Variants in SGCZ observed in about 807,000 individuals in gnomAD.
The protein encoded by SGCZ is zeta-sarcoglycan.
In SGCZ, 40 loss-of-function variants were observed where a neutral mutation model predicts 41.3. That is an observed-to-expected ratio of 0.97 (90% CI 0.75 to 1.26). The LOEUF (loss-of-function observed/expected upper bound fraction) is 1.26, where lower values mean the gene tolerates loss of function less well. SGCZ is among the 50% of genes most tolerant of loss of function. The probability of loss-of-function intolerance (pLI) is 0.00; values close to 1 mark genes in which losing one functional copy is unlikely to be tolerated. For missense variants in SGCZ, 552 were observed against 369.8 expected (o/e 1.49, Z -4.04); for synonymous variants, 206 against 137.5 (o/e 1.50, Z -3.49).
intron 1 of SGCZ, among the ~76,000 whole-genome samples, chr8:14,739,148 T>C (rs1799130284): frequency 6.6e-6 from 1 of 152,006 alleles, no homozygotes; most frequent in South Asian, 2.1e-4. Context: ...GAATAGTTCT[T>C]TAGGAAAATT....
At chr8:14,500,894 A>G (rs1033768470) in intron 2 of SGCZ, among the ~76,000 whole-genome samples, 4 of 152,126 alleles carry the variant, frequency 2.6e-5, no homozygotes, top group African/African-American at 9.6e-5. Flanking sequence ...AAAAAAACAC[A>G]TATTTAACCA....
At chr8:14,394,130 T>A (rs946238184) in intron 2 of SGCZ, among the ~76,000 whole-genome samples, 5 of 140,992 alleles carry the variant, frequency 3.5e-5, no homozygotes, top group African/African-American at 1.5e-4. Flanking sequence ...TGCACTGCCC[T>A]ACCGCCCCCC....
chr8:15,020,065 C>T (rs1368855441), intron 1 of SGCZ, among the ~76,000 whole-genome samples: 1 of 151,640 alleles, frequency 6.6e-6, no homozygotes, highest in African/African-American at 2.4e-5. Flanking sequence ...TTATAGCATC[C>T]TCCATCAATA....
intron 1 of SGCZ, among the ~76,000 whole-genome samples, chr8:14,772,592 C>A (rs1306895041): frequency 1.6e-5 from 2 of 121,388 alleles, no homozygotes; most frequent in East Asian, 5.5e-4. Context: ...CCCCACCCCA[C>A]AACAATCCCC....
At chr8:14,846,782 A>C (rs1308329766) in intron 1 of SGCZ, among the ~76,000 whole-genome samples, 1 of 151,548 alleles carries the variant, frequency 6.6e-6, no homozygotes, top group African/African-American at 2.4e-5. Context: ...GAAGAGAAGA[A>C]TACCAGGCCA....
chr8:14,104,385 T>C (rs959118), intron 6 of SGCZ, among the ~76,000 whole-genome samples: 2 of 151,874 alleles, frequency 1.3e-5, no homozygotes, highest in East Asian at 3.9e-4. Flanking sequence ...TGTATCAAAG[T>C]TGCAACAAGA....
intron 1 of SGCZ, among the ~76,000 whole-genome samples, chr8:15,048,246 A>C (rs997580938): frequency 6.6e-6 from 1 of 152,060 alleles, no homozygotes; most frequent in Middle Eastern, 3.2e-3. Context: ...AAAATATCAC[A>C]TGTTCTTAGC....
chr8:14,319,584 A>G (rs1400325944), intron 3 of SGCZ: 1 of 152,018 alleles, frequency 6.6e-6, no homozygotes, highest in Non-Finnish European at 1.5e-5. Flanking sequence ...GAGGGAAGGA[A>G]TGATTGGACT....
At chr8:15,082,158 G>A (rs1256114766) in intron 1 of SGCZ, among the ~76,000 whole-genome samples, 1 of 151,998 alleles carries the variant, frequency 6.6e-6, no homozygotes, top group African/African-American at 2.4e-5. Context: ...GAACCCAGGA[G>A]GCAGAGTTTG....
intron 1 of SGCZ, among the ~76,000 whole-genome samples, chr8:14,750,260 C>T (rs944603874): frequency 2.6e-5 from 4 of 151,848 alleles, no homozygotes; most frequent in Non-Finnish European, 4.4e-5. Flanking sequence ...AGGACCCAAG[C>T]AGGATTTAAC....
chr8:14,330,390 T>G (rs1802271531), intron 2 of SGCZ, among the ~76,000 whole-genome samples: 1 of 152,102 alleles, frequency 6.6e-6, no homozygotes, highest in African/African-American at 2.4e-5. Flanking sequence ...TACTAAAATT[T>G]ATAGAATTTG....
chr8:15,016,505 A>C (rs757407967), intron 1 of SGCZ, among the ~76,000 whole-genome samples: 6 of 152,188 alleles, frequency 3.9e-5, no homozygotes, highest in African/African-American at 9.7e-5. Flanking sequence ...ACACAAAGAA[A>C]GAATAAAGCG....
intron 2 of SGCZ, among the ~76,000 whole-genome samples, chr8:14,441,348 A>G (rs1800257839): frequency 2.0e-5 from 3 of 152,244 alleles, no homozygotes; most frequent in African/African-American, 7.2e-5. Context: ...AGGCCAAGAC[A>G]GGTGGATCAC....
At chr8:14,688,765 C>A (rs1808701886) in intron 1 of SGCZ, among the ~76,000 whole-genome samples, 1 of 151,896 alleles carries the variant, frequency 6.6e-6, no homozygotes, top group Non-Finnish European at 1.5e-5. Flanking sequence ...CTGGCCAGGG[C>A]AATCAGGCAG....
At chr8:14,937,425 G>A (rs1231711757) in intron 1 of SGCZ, among the ~76,000 whole-genome samples, 1 of 151,950 alleles carries the variant, frequency 6.6e-6, no homozygotes, top group Non-Finnish European at 1.5e-5. Flanking sequence ...TTTAAGGTCA[G>A]CTTTAGCAAA....
intron 4 of SGCZ, among the ~76,000 whole-genome samples, chr8:14,210,144 G>A (rs1393100695): frequency 2.0e-5 from 3 of 152,042 alleles, no homozygotes; most frequent in Non-Finnish European, 2.9e-5. Flanking sequence ...AGCAACCTCC[G>A]CCTACCAGGC....
intron 1 of SGCZ, among the ~76,000 whole-genome samples, chr8:15,218,229 T>C (rs1187472372): frequency 6.6e-6 from 1 of 152,176 alleles, no homozygotes; most frequent in Non-Finnish European, 1.5e-5. Context: ...AGAATCAACA[T>C]TTCTGAAAGC....
chr8:15,182,719 A>T (rs1563170371), intron 1 of SGCZ, among the ~76,000 whole-genome samples: 1 of 152,200 alleles, frequency 6.6e-6, no homozygotes, highest in Non-Finnish European at 1.5e-5. Flanking sequence ...TTTATAAACT[A>T]ACTGTACACT....
At chr8:14,134,122 C>G (rs998969462) in intron 5 of SGCZ, among the ~76,000 whole-genome samples, 1 of 152,136 alleles carries the variant, frequency 6.6e-6, no homozygotes, top group Non-Finnish European at 1.5e-5. Flanking sequence ...TAACAATTGA[C>G]AAATATCTAT....
Sources: allele counts gnomAD v4.1 joint callset (sites outside exome capture counted in the v4.1 genomes callset), GRCh38; gene constraint gnomAD v4.1.1; transcripts MANE v1.5; gene names NCBI Gene and HGNC (gene_info 2026-07-23, HGNC 2026-07-21).